The following MEIG1 variants were observed in gnomAD, a reference collection of about 807,000 sequenced individuals.
The protein encoded by MEIG1 is meiosis/spermiogenesis associated 1.
In MEIG1, 12 loss-of-function variants were observed where a neutral mutation model predicts 11.3. That is an observed-to-expected ratio of 1.07 (90% confidence interval 0.68 to 1.73). The LOEUF (loss-of-function observed/expected upper bound fraction) is 1.73, where lower values mean the gene tolerates loss of function less well. Ranked by LOEUF, MEIG1 falls within the 40% of genes most tolerant of loss-of-function variation. The pLI is 0.00. For missense variants in MEIG1, 119 were observed against 104.9 expected (o/e 1.13, Z -0.59); for synonymous variants, 41 against 33.2 (o/e 1.24, Z -0.81).
intron 1 of MEIG1, among the ~76,000 whole-genome samples, chr10:14,963,730 C>T (rs1454589482): frequency 1.3e-5 from 2 of 152,070 alleles, no homozygotes; most frequent in Non-Finnish European, 2.9e-5. Context: ...TTTGGGAGGC[C>T]GAGGTACACG....
chr10:14,971,623 T>C (rs750261097), intron 2 of MEIG1, among the ~76,000 whole-genome samples: 4 of 152,210 alleles, frequency 2.6e-5, no homozygotes, highest in Non-Finnish European at 4.4e-5. Flanking sequence ...GTTCTTGAGT[T>C]GCTTGCTTTA....
intron 1 of MEIG1, among the ~76,000 whole-genome samples, chr10:14,986,522 A>G (rs1843320290): frequency 6.6e-6 from 1 of 152,074 alleles, no homozygotes; most frequent in Non-Finnish European, 1.5e-5. Context: ...TTCAGGACCC[A>G]ATTATCCACT....
At chr10:14,983,112 G>A (rs1319275962) in intron 1 of MEIG1, among the ~76,000 whole-genome samples, 1 of 152,072 alleles carries the variant, frequency 6.6e-6, no homozygotes, top group African/African-American at 2.4e-5. Flanking sequence ...CTAATGTTCA[G>A]GGAGGGAGAG....
At chr10:14,980,312 T>C (rs1843250970) in intron 1 of MEIG1, among the ~76,000 whole-genome samples, 1 of 152,138 alleles carries the variant, frequency 6.6e-6, no homozygotes, top group Non-Finnish European at 1.5e-5. Flanking sequence ...TGCGATGTTA[T>C]TCTTCGCATT....
chr10:14,976,329 C>T (rs1412199351), downstream of MEIG1, among the ~76,000 whole-genome samples: 9 of 151,302 alleles, frequency 5.9e-5, no homozygotes, highest in Admixed American at 3.3e-4. Flanking sequence ...GTCACAGGAC[C>T]GTACACACTG....
intron 1 of MEIG1, among the ~76,000 whole-genome samples, chr10:14,961,147 C>T (rs1843008087): frequency 6.6e-6 from 1 of 152,196 alleles, no homozygotes; most frequent in Admixed American, 6.5e-5. Context: ...CAACTTTAAA[C>T]GTCCTCAGAA....
At chr10:14,978,450 C>T (rs1037783289) in intron 1 of MEIG1, among the ~76,000 whole-genome samples, 6 of 151,734 alleles carry the variant, frequency 4.0e-5, no homozygotes, top group East Asian at 1.9e-4. Flanking sequence ...TGATATTATT[C>T]GTAATACTCT....
intron 1 of MEIG1, among the ~76,000 whole-genome samples, chr10:14,978,442 A>G (rs1192133145): frequency 2.6e-5 from 4 of 151,790 alleles, no homozygotes; most frequent in Admixed American, 2.6e-4. Flanking sequence ...TCCCCCCATG[A>G]TATTATTCGT....
chr10:14,973,441 T>C (rs371927572), downstream of MEIG1, among the ~76,000 whole-genome samples: 12 of 151,910 alleles, frequency 7.9e-5, no homozygotes, highest in African/African-American at 2.9e-4. Context: ...ATGGAAGAAG[T>C]CCTCCACTAG....
chr10:14,961,883 C>G (rs779667509), intron 1 of MEIG1, among the ~76,000 whole-genome samples: 16 of 152,060 alleles, frequency 1.1e-4, no homozygotes, highest in Non-Finnish European at 2.2e-4. Context: ...TCACAGCTCA[C>G]TGTGGCCTCA....
chr10:14,966,475 A>G lies in MEIG1; in HGVS notation c.7A>G (p.Ser3Gly). 2 of 1,605,838 alleles carry G rather than the reference A, an allele frequency of 1.2e-6. No individual in the cohort carries two copies. The highest frequency in any genetic ancestry group is 1.7e-6 in the Non-Finnish European group (2 of 1,176,884). The change falls in exon 2 of 3, where the codon AGT becomes GGT. Residue 3 changes from serine (S) to glycine (G), a missense_variant. Ser to Gly is a moderately conservative substitution (Grantham distance 56). Transcript: ENST00000407572. ...TAATAAGGCCTCTGTAACCATGGCT[A>G]GTTCTGACGTAAAACCAAAATCAGT... Reference protein sequence around the residue: MASSDVKPKSVSH... With the variant: MAGSDVKPKSVSH...
upstream of MEIG1, among the ~76,000 whole-genome samples, chr10:14,956,935 A>G (rs149286232): frequency 5.4e-3 from 816 of 152,310 alleles, 12 homozygotes; most frequent in African/African-American, 0.019. Context: ...GTACACCTAC[A>G]ATAACAACTA....
At chr10:14,968,212 G>A (rs1843109827) in intron 2 of MEIG1, among the ~76,000 whole-genome samples, 1 of 152,160 alleles carries the variant, frequency 6.6e-6, no homozygotes, top group South Asian at 2.1e-4. Flanking sequence ...AGGAGGCTGG[G>A]AGTGGTGGCT....
intron 1 of MEIG1, among the ~76,000 whole-genome samples, chr10:14,961,556 C>T (rs1016117510): frequency 2.6e-5 from 4 of 151,384 alleles, no homozygotes; most frequent in African/African-American, 9.7e-5. Context: ...CCGCAACCTC[C>T]GTCTCCTGGG....
At chr10:14,981,449 T>C (rs369963983) in intron 1 of MEIG1, among the ~76,000 whole-genome samples, 3 of 152,074 alleles carry the variant, frequency 2.0e-5, no homozygotes, top group East Asian at 1.9e-4. Context: ...CCTCCTACAG[T>C]ACAAGTCCGA....
chr10:14,974,160 T>G (rs1843185936), downstream of MEIG1, among the ~76,000 whole-genome samples: 1 of 152,184 alleles, frequency 6.6e-6, no homozygotes, highest in Non-Finnish European at 1.5e-5. Context: ...ATATCCTCTC[T>G]TTCATGTGGG....
At chr10:14,985,750 G>A (rs759123365) in intron 1 of MEIG1, among the ~76,000 whole-genome samples, 3 of 151,988 alleles carry the variant, frequency 2.0e-5, no homozygotes, top group Non-Finnish European at 4.4e-5. Flanking sequence ...CTCCTAATAT[G>A]TCACAGGGGT....
chr10:14,971,386 T>C (rs1376977095), intron 2 of MEIG1, among the ~76,000 whole-genome samples: 1 of 148,326 alleles, frequency 6.7e-6, no homozygotes, highest in African/African-American at 2.5e-5. Flanking sequence ...AAAAGAAAAA[T>C]AGAAAACTTA....
intron 1 of MEIG1, among the ~76,000 whole-genome samples, chr10:14,984,373 G>A (rs1449322688): frequency 1.3e-5 from 2 of 152,066 alleles, no homozygotes; most frequent in Non-Finnish European, 1.5e-5. Flanking sequence ...TGAAGTCACC[G>A]GGGTATACAC....
Sources: allele counts gnomAD v4.1 joint callset (sites outside exome capture counted in the v4.1 genomes callset), GRCh38; gene constraint gnomAD v4.1.1; transcripts MANE v1.5; gene names NCBI Gene and HGNC (gene_info 2026-07-23, HGNC 2026-07-21).